The following PCNX2 variants were observed in gnomAD, a reference collection of about 807,000 sequenced individuals.
The protein encoded by PCNX2 is pecanex-like protein 2.
A neutral mutation model predicts 223.8 loss-of-function variants in PCNX2; 168 were observed. That is an observed-to-expected ratio of 0.75 (90% confidence interval 0.66 to 0.85). The LOEUF (loss-of-function observed/expected upper bound fraction) is 0.85, where lower values mean the gene tolerates loss of function less well. Ranked by LOEUF, PCNX2 falls within the 40% of genes least tolerant of loss-of-function variation. The pLI, the probability that PCNX2 is intolerant of heterozygous loss-of-function variation, is 0.00. For synonymous variants in PCNX2, 1,006 were observed against 1,052.6 expected, an observed-to-expected ratio of 0.96 and a Z score of 0.86; for missense variants, 2,507 against 2,675.5, an observed-to-expected ratio of 0.94 and a Z score of 1.39.
At chr1:233,287,283 A>G (rs946685478) in intron 1 of PCNX2, among the ~76,000 whole-genome samples, 7 of 152,180 alleles carry the variant, frequency 4.6e-5, no homozygotes, top group African/African-American at 1.7e-4. Flanking sequence ...CCTTTTGTAC[A>G]TTTTTAGTGT....
At chr1:233,234,345 A>G (rs887419229) in intron 9 of PCNX2, among the ~76,000 whole-genome samples, 2 of 152,220 alleles carry the variant, frequency 1.3e-5, no homozygotes, top group Admixed American at 6.5e-5. Context: ...GGGTCTAAAC[A>G]TGAGCCTGGT....
At chr1:233,231,862 T>C (rs1025463029) in intron 9 of PCNX2, among the ~76,000 whole-genome samples, 1 of 152,212 alleles carries the variant, frequency 6.6e-6, no homozygotes, top group African/African-American at 2.4e-5. Flanking sequence ...GAAGGAACAC[T>C]GGGTCAGGGT....
chr1:233,297,716 G>T (rs1379355203), upstream of PCNX2, among the ~76,000 whole-genome samples: 1 of 152,138 alleles, frequency 6.6e-6, no homozygotes, highest in Non-Finnish European at 1.5e-5. Flanking sequence ...ATAAGCAAAG[G>T]TCAGTCTCCT....
intron 21 of PCNX2, among the ~76,000 whole-genome samples, chr1:233,129,921 T>G (rs1462081161): frequency 6.6e-6 from 1 of 152,164 alleles, no homozygotes; most frequent in East Asian, 1.9e-4. Context: ...GAGAGCTTTG[T>G]TCTTTCACTC....
At chr1:233,280,707 G>A (rs1661149722) in intron 1 of PCNX2, among the ~76,000 whole-genome samples, 1 of 152,144 alleles carries the variant, frequency 6.6e-6, no homozygotes, top group Non-Finnish European at 1.5e-5. Context: ...ACCCAGCTTG[G>A]TATCCAGCAA....
chr1:233,268,447 G>T (rs1660463697), intron 1 of PCNX2, among the ~76,000 whole-genome samples: 1 of 152,172 alleles, frequency 6.6e-6, no homozygotes, highest in Non-Finnish European at 1.5e-5. Context: ...ACTCTTGGGG[G>T]CTCATCCTTT....
chr1:233,187,175 C>T (rs1366337043), intron 15 of PCNX2, among the ~76,000 whole-genome samples: 4 of 152,268 alleles, frequency 2.6e-5, no homozygotes, highest in African/African-American at 4.8e-5. Context: ...CACGACCACA[C>T]GTAGTTTTTA....
chr1:233,130,465 TTGTGTGTGTG>T (rs55865610), intron 21 of PCNX2, among the ~76,000 whole-genome samples: 27 of 136,384 alleles, frequency 2.0e-4, no homozygotes, highest in East Asian at 4.5e-4. Context: ...CCCCCAACTT[TTGTGTGTGTG>T]TGTGTGTGTG....
chr1:233,147,373 G>T (rs946205958), intron 19 of PCNX2, among the ~76,000 whole-genome samples: 2 of 152,096 alleles, frequency 1.3e-5, no homozygotes, highest in African/African-American at 4.8e-5. Context: ...AAAATCATAA[G>T]AAAGAGAAAA....
intron 27 of PCNX2, among the ~76,000 whole-genome samples, chr1:233,016,508 GAAGTT>G (rs1453573890): frequency 2.6e-5 from 4 of 152,270 alleles, no homozygotes; most frequent in Admixed American, 6.5e-5. Flanking sequence ...AACGATGACA[GAAGTT>G]AAGTTGGACC....
intron 28 of PCNX2, among the ~76,000 whole-genome samples, chr1:233,012,930 G>A (rs1670518897): frequency 6.6e-6 from 1 of 152,164 alleles, no homozygotes; most frequent in South Asian, 2.1e-4. Flanking sequence ...ATCCTATGAA[G>A]CCCTTCTCAA....
At position 232,984,135 on chromosome 1, in the gene PCNX2, T is replaced by TA; in HGVS notation, c.*168_*169insT. On this transcript the variant is annotated 3_prime_UTR_variant, in exon 34 of 34. Coordinates refer to ENST00000258229, the MANE Select transcript of PCNX2 (RefSeq NM_014801.4). ...TTTTTTTTTTTTTTTTTTTTTTTTT[T>TA]CAAAAACCTGAGATCAGTTCTGTGT... 1 of 119,946 alleles carries TA rather than the reference T, an allele frequency of 8.3e-6. No homozygotes were observed. The highest frequency in any genetic ancestry group is 1.7e-5 in the Non-Finnish European group (1 of 57,776). The allele number at this position is 119,946 out of a possible 1,614,324, so 7.4% of individuals were successfully genotyped here. A position where few individuals can be genotyped will look rare whatever the true frequency, so the allele number is the denominator to read the frequency against.
At chr1:233,319,325 T>G in the PCNX2 span, among the ~76,000 whole-genome samples, 1 of 152,214 alleles carries the variant, frequency 6.6e-6, no homozygotes, top group Non-Finnish European at 1.5e-5. Context: ...TCTTCCTCTC[T>G]AGGGTCATGA....
intron 25 of PCNX2, among the ~76,000 whole-genome samples, chr1:233,044,625 G>C (rs866345673): frequency 2.6e-5 from 4 of 151,644 alleles, no homozygotes; most frequent in Admixed American, 6.6e-5. Context: ...GAATATATGA[G>C]CCAAAAGAAT....
intron 7 of PCNX2, among the ~76,000 whole-genome samples, chr1:233,251,733 G>A (rs1404586587): frequency 2.6e-5 from 4 of 152,222 alleles, no homozygotes; most frequent in African/African-American, 9.6e-5. Context: ...GGATCCTTTT[G>A]CGAGTAAAAT....
chr1:233,013,529 T>A (rs1670548605), intron 28 of PCNX2, among the ~76,000 whole-genome samples: 1 of 152,192 alleles, frequency 6.6e-6, no homozygotes, highest in African/African-American at 2.4e-5. Flanking sequence ...TGACAGTTGC[T>A]AAACAAATAG....
chr1:233,284,438 T>C (rs1558424884), intron 1 of PCNX2, among the ~76,000 whole-genome samples: 1 of 152,122 alleles, frequency 6.6e-6, no homozygotes, highest in Non-Finnish European at 1.5e-5. Flanking sequence ...GGCTAACTCC[T>C]ACTCATTCAT....
chr1:233,273,458 C>T (rs929616282), intron 1 of PCNX2, among the ~76,000 whole-genome samples: 2 of 152,082 alleles, frequency 1.3e-5, no homozygotes, highest in Non-Finnish European at 2.9e-5. Context: ...TGCTAGTCAG[C>T]AACCTAGTAA....
At chr1:233,308,616 G>T in the PCNX2 span, among the ~76,000 whole-genome samples, 31 of 152,072 alleles carry the variant, frequency 2.0e-4, no homozygotes, top group African/African-American at 7.0e-4. Flanking sequence ...AAACTTATCA[G>T]ATAAAGCTGG....
Sources: gnomAD v4.1 joint callset for allele counts (sites outside exome capture counted in the v4.1 genomes callset) on GRCh38, gnomAD v4.1.1 for gene constraint, MANE v1.5 for transcripts, NCBI Gene and HGNC (gene_info 2026-07-23, HGNC 2026-07-21) for gene names.